Variants in TCF4 observed in about 807,000 individuals in gnomAD.
TCF4 encodes the protein SL3-3 enhancer factor 2.
TCF4 carries 3 observed loss-of-function variants against 82.1 expected under a neutral mutation model. The observed-to-expected ratio is 0.04, with a 90% confidence interval of 0.02 to 0.09. TCF4 has a LOEUF of 0.09. Among genes scored for constraint, TCF4 ranks in the 10% least tolerant of loss-of-function variants. TCF4 has a pLI of 1.00. For synonymous variants in TCF4, 276 were observed against 309.6 expected, an observed-to-expected ratio of 0.89 and a Z score of 1.14; for missense variants, 518 against 852.7, an observed-to-expected ratio of 0.61 and a Z score of 4.89.
At chr18:55,508,871 CT>C (rs1188785429) in intron 3 of TCF4, among the ~76,000 whole-genome samples, 1 of 152,258 alleles carries the variant, frequency 6.6e-6, no homozygotes, top group Non-Finnish European at 1.5e-5. Context: ...AATTTGCTTA[CT>C]TTTAGAAATT....
intron 8 of TCF4, chr18:55,322,445 AAAAAAC>A: frequency 9.9e-7 from 1 of 1,008,420 alleles, no homozygotes; most frequent in East Asian, 7.1e-5. Flanking sequence ...AAAAAAAAAA[AAAAAAC>A]ACCACGTCTC....
At position 55,261,511 on chromosome 18, in the gene TCF4, G is replaced by A. The variant is rs200115299; in HGVS notation, c.945C>T (p.Ala315=). ...SIMANRGSGA[A]GSSQTGDALG... ...GAGCATCTCCAGTCTGGGAGCTGCC[G>A]GCTGCCCCGCTTCCTCTATTTGCTG... Residue 315 remains alanine (A), a synonymous_variant, in exon 12 of 20, where the codon GCC becomes GCT. Transcript: ENST00000354452. The A allele has an allele frequency of 3.0e-5, 48 of 1,613,886 alleles. No individual in the cohort carries two copies. In the East Asian group the frequency reaches 4.5e-4, roughly 15 times the overall value.
rs756210348 is a variant in TCF4, at chr18:55,403,627, T to G, written c.305-109A>C. The G allele has an allele frequency of 2.1e-5, 33 of 1,607,830 alleles. No homozygotes were observed. The South Asian group carries it at 3.4e-4, about 17-fold the overall frequency. On this transcript the variant is annotated intron_variant, in intron 5 of 19. Coordinates refer to ENST00000354452, the MANE Select transcript of TCF4 (RefSeq NM_001083962.2). ...TTCCCCGATGTTTACATACGTAAAG[T>G]AGGCACTACTGGCAATGTATGCAAG...
rs1328203061 is a variant in TCF4 at position 55,275,536 on chromosome 18, C to T, written c.789+83G>A. ...CATTTTTGCACTTATTTGCAGAGTC[C>T]TTGTGTATATGCATGGAAAGACAGA... On this transcript the variant is annotated intron_variant, in intron 10 of 19. Transcript: ENST00000354452. 7 of 1,587,306 alleles carry T rather than the reference C, an allele frequency of 4.4e-6. No individual in the cohort carries two copies. In the African/African-American group the frequency reaches 9.4e-5, roughly 21 times the overall value.
chr18:55,471,539 A>C (rs2096179892), intron 3 of TCF4, among the ~76,000 whole-genome samples: 1 of 152,098 alleles, frequency 6.6e-6, no homozygotes, highest in Non-Finnish European at 1.5e-5. Context: ...AAACTATCAG[A>C]CTAGAAAAAG....
upstream of TCF4, among the ~76,000 whole-genome samples, chr18:55,590,075 G>A (rs899379277): frequency 6.6e-6 from 1 of 152,200 alleles, no homozygotes; most frequent in African/African-American, 2.4e-5. Flanking sequence ...CCGCTTCTTG[G>A]CCGTCCTTGC....
upstream of TCF4, among the ~76,000 whole-genome samples, chr18:55,590,818 G>T (rs1441311501): frequency 1.3e-5 from 2 of 152,184 alleles, no homozygotes; most frequent in Non-Finnish European, 2.9e-5. Context: ...TTAAGCCTAA[G>T]AATAACCCTA....
chr18:55,513,708 A>G (rs1460384477), intron 3 of TCF4, among the ~76,000 whole-genome samples: 1 of 152,152 alleles, frequency 6.6e-6, no homozygotes, highest in Non-Finnish European at 1.5e-5. Context: ...TTGCTTTCTC[A>G]TATTTAAAAA....
chr18:55,553,223 C>T (rs2097275273), intron 3 of TCF4: 1 of 152,212 alleles, frequency 6.6e-6, no homozygotes. Flanking sequence ...GCAGTCACTT[C>T]ATGTCCTCTT....
chr18:55,269,713 C>T (rs377147253), intron 11 of TCF4, 118 bp downstream of exon 11: 10 of 1,291,440 alleles, frequency 7.7e-6, no homozygotes, highest in East Asian at 4.8e-5. Flanking sequence ...TTCATTCTGT[C>T]ATGTGACTAA....
chr18:55,533,409 A>G (rs1225714794), intron 3 of TCF4, among the ~76,000 whole-genome samples: 1 of 152,150 alleles, frequency 6.6e-6, no homozygotes, highest in Admixed American at 6.5e-5. Context: ...AGCCCAGAGG[A>G]AGTCAGTCAG....
intron 3 of TCF4, among the ~76,000 whole-genome samples, chr18:55,465,064 A>G (rs1040862661): frequency 6.6e-6 from 1 of 152,186 alleles, no homozygotes; most frequent in East Asian, 1.9e-4. Context: ...ATTTTTGATG[A>G]AAGGGCCTTC....
chr18:55,586,153 G>GCAGGAGCAGC, intron 2 of TCF4: 1 of 706,112 alleles, frequency 1.4e-6, no homozygotes, highest in Non-Finnish European at 2.2e-6. Context: ...GGAGGAGGAG[G>GCAGGAGCAGC]AGCAGCAGCA....
intron 6 of TCF4, among the ~76,000 whole-genome samples, chr18:55,398,267 G>A (rs111909494): frequency 1.4e-4 from 21 of 152,116 alleles, no homozygotes; most frequent in African/African-American, 2.4e-4. Context: ...GAAAAATACC[G>A]CTCAGGGACA....
In TCF4 at chr18:55,350,965, T is replaced by C; in HGVS notation, c.408A>G (p.Pro136=). The part of the protein sequence containing the change: ...LLGGDMDMGN[P]GTLSPTKPGS... ...CAGGTTTGGTGGGCGAAAGGGTTCC[T>C]GGGTTGCCCATATCCATGTCACCTC... Residue 136 remains proline (P), a synonymous_variant, in exon 7 of 20, where the codon CCA becomes CCG. Coordinates refer to ENST00000354452, the MANE Select transcript of TCF4 (RefSeq NM_001083962.2). 1 of 1,613,584 alleles carries C rather than the reference T, an allele frequency of 6.2e-7. No homozygotes were observed. Among genetic ancestry groups the C allele is most frequent in the Non-Finnish European group, 8.5e-7 (1 of 1,179,586 alleles).
intron 3 of TCF4, among the ~76,000 whole-genome samples, chr18:55,477,252 G>A (rs889240534): frequency 3.3e-5 from 5 of 151,980 alleles, no homozygotes; most frequent in Non-Finnish European, 5.9e-5. Context: ...ACCTAAACAC[G>A]AGCAGACTAA....
intron 5 of TCF4, among the ~76,000 whole-genome samples, chr18:55,450,375 T>C (rs2095600989): frequency 6.6e-6 from 1 of 152,232 alleles, no homozygotes; most frequent in Admixed American, 6.5e-5. Flanking sequence ...TAAGCAATCA[T>C]CAAGAAGATG....
chr18:55,242,120 C>T (rs1054051511), intron 15 of TCF4, among the ~76,000 whole-genome samples: 1 of 152,192 alleles, frequency 6.6e-6, no homozygotes, highest in Non-Finnish European at 1.5e-5. Flanking sequence ...CTTTTATTAG[C>T]CTCACAGATC....
At chr18:55,279,522 C>T in intron 9 of TCF4, 29 bp downstream of exon 9, 1 of 1,613,496 alleles carries the variant, frequency 6.2e-7, no homozygotes, top group Non-Finnish European at 8.5e-7. Context: ...TATCCAGTGG[C>T]CTTTCCCTCA....
Sources: gnomAD v4.1 joint callset for allele counts (sites outside exome capture counted in the v4.1 genomes callset) on GRCh38, gnomAD v4.1.1 for gene constraint, MANE v1.5 for transcripts, NCBI Gene and HGNC (gene_info 2026-07-23, HGNC 2026-07-21) for gene names.